The following LMX1A variants were observed in gnomAD, a reference collection of about 807,000 sequenced individuals.
The protein encoded by LMX1A is LIM homeobox transcription factor 1 alpha, also known as LIM homeobox transcription factor 1-alpha.
Under a neutral mutation model 49.1 loss-of-function variants are expected in LMX1A, and 15 were observed. The ratio of observed to expected loss-of-function variants is 0.31; its 90% CI spans 0.20 to 0.47. LMX1A has a LOEUF of 0.47. Among genes scored for constraint, LMX1A ranks in the 20% least tolerant of loss-of-function variants. The pLI is 1.00. For synonymous variants in LMX1A, 167 were observed against 185.7 expected (o/e 0.90, Z 0.82); for missense variants, 372 against 475.8 (o/e 0.78, Z 2.03).
chr1:165,236,326 C>T (rs1323606921), intron 4 of LMX1A, among the ~76,000 whole-genome samples: 1 of 152,016 alleles, frequency 6.6e-6, no homozygotes, highest in Non-Finnish European at 1.5e-5. Context: ...TTCTTTTTCC[C>T]TATCATAAAT....
At chr1:165,276,036 C>T (rs1440818327) in intron 3 of LMX1A, among the ~76,000 whole-genome samples, 1 of 151,770 alleles carries the variant, frequency 6.6e-6, no homozygotes, top group Non-Finnish European at 1.5e-5. Flanking sequence ...GATGCACACA[C>T]CCCACCCGAG....
At chr1:165,264,170 G>A (rs1294177509) in intron 3 of LMX1A, among the ~76,000 whole-genome samples, 2 of 151,888 alleles carry the variant, frequency 1.3e-5, no homozygotes, top group Non-Finnish European at 2.9e-5. Flanking sequence ...GAGGAATGGT[G>A]GAAGCCTGCA....
chr1:165,352,432 C>T (rs1656455740), intron 3 of LMX1A, among the ~76,000 whole-genome samples: 1 of 152,166 alleles, frequency 6.6e-6, no homozygotes, highest in Non-Finnish European at 1.5e-5. Flanking sequence ...CCTAAAAGCC[C>T]CTGCATCCGA....
intron 3 of LMX1A, among the ~76,000 whole-genome samples, chr1:165,303,850 T>C (rs1654848989): frequency 6.6e-6 from 1 of 152,138 alleles, no homozygotes. Context: ...GGGTGGACTT[T>C]AAAGCAGTAG....
At chr1:165,349,257 G>C (rs376015429) in intron 3 of LMX1A, among the ~76,000 whole-genome samples, 3 of 152,216 alleles carry the variant, frequency 2.0e-5, no homozygotes, top group African/African-American at 7.2e-5. Flanking sequence ...TCAGACTGAA[G>C]TCCAACTGCA....
intron 4 of LMX1A, among the ~76,000 whole-genome samples, chr1:165,227,101 A>G (rs1259329068): frequency 6.6e-6 from 1 of 152,204 alleles, no homozygotes; most frequent in African/African-American, 2.4e-5. Flanking sequence ...AGGCTTACAG[A>G]AAGAGAATGG....
At chr1:165,217,748 T>A (rs1472866440) in intron 4 of LMX1A, among the ~76,000 whole-genome samples, 1 of 152,212 alleles carries the variant, frequency 6.6e-6, no homozygotes, top group Non-Finnish European at 1.5e-5. Context: ...CTTGCACAGT[T>A]CAAATCCATG....
At chr1:165,337,783 T>C (rs751264830) in intron 3 of LMX1A, among the ~76,000 whole-genome samples, 5 of 151,986 alleles carry the variant, frequency 3.3e-5, no homozygotes, top group Non-Finnish European at 5.9e-5. Flanking sequence ...TCAGTTTTAG[T>C]TGGCCAGAAG....
chr1:165,348,197 T>C (rs1037676964), intron 3 of LMX1A, among the ~76,000 whole-genome samples: 3 of 152,214 alleles, frequency 2.0e-5, no homozygotes, highest in African/African-American at 7.2e-5. Context: ...ATGTGTTCCA[T>C]TTATGTAAGG....
intron 3 of LMX1A, among the ~76,000 whole-genome samples, chr1:165,335,152 T>C (rs1655861499): frequency 6.6e-6 from 1 of 152,350 alleles, no homozygotes; most frequent in African/African-American, 2.4e-5. Flanking sequence ...TATTATTTAC[T>C]TAAAATATGA....
intron 3 of LMX1A, among the ~76,000 whole-genome samples, chr1:165,321,474 A>G (rs891579142): frequency 6.6e-6 from 1 of 152,184 alleles, no homozygotes; most frequent in Admixed American, 6.5e-5. Context: ...TCTCCTCTGC[A>G]ATAGCTTCCT....
chr1:165,238,567 T>TA (rs34900476), intron 4 of LMX1A, among the ~76,000 whole-genome samples: 151,995 of 152,242 alleles, frequency 1, 75,874 homozygotes, highest in Middle Eastern at 1. Context: ...AACTGGAGGT[T>TA]AAAAGCAAGG....
chr1:165,334,715 CT>C (rs1655850688), intron 3 of LMX1A, among the ~76,000 whole-genome samples: 1 of 152,338 alleles, frequency 6.6e-6, no homozygotes, highest in South Asian at 2.1e-4. Flanking sequence ...AACTTCACTC[CT>C]CTTTACACCC....
At chr1:165,230,901 T>C (rs929364549) in intron 4 of LMX1A, among the ~76,000 whole-genome samples, 1 of 152,186 alleles carries the variant, frequency 6.6e-6, no homozygotes, top group Non-Finnish European at 1.5e-5. Flanking sequence ...AGGGTCCTGC[T>C]GAGCAGACTG....
intron 3 of LMX1A, among the ~76,000 whole-genome samples, chr1:165,298,979 C>T (rs1654701311): frequency 6.6e-6 from 1 of 152,186 alleles, no homozygotes; most frequent in South Asian, 2.1e-4. Flanking sequence ...TTTTATTTAA[C>T]CCTACAACAA....
chr1:165,339,387 C>T (rs570136759), intron 3 of LMX1A, among the ~76,000 whole-genome samples: 1 of 152,320 alleles, frequency 6.6e-6, no homozygotes, highest in South Asian at 2.1e-4. Flanking sequence ...TGGTTCCAGG[C>T]CTGAGGAGGC....
At chr1:165,340,488 T>C (rs552723998) in intron 3 of LMX1A, among the ~76,000 whole-genome samples, 2 of 152,184 alleles carry the variant, frequency 1.3e-5, no homozygotes, top group East Asian at 3.8e-4. Context: ...CACTCTGATG[T>C]TCTCCCCTGC....
intron 3 of LMX1A, among the ~76,000 whole-genome samples, chr1:165,328,164 ACT>A (rs1655642683): frequency 6.6e-6 from 1 of 152,250 alleles, no homozygotes; most frequent in Admixed American, 6.5e-5. Context: ...GTTCTTTCTC[ACT>A]GTTTCAAACA....
At chr1:165,283,348 A>C (rs1240227298) in intron 3 of LMX1A, among the ~76,000 whole-genome samples, 1 of 152,240 alleles carries the variant, frequency 6.6e-6, no homozygotes, top group Non-Finnish European at 1.5e-5. Context: ...TTCACATGAC[A>C]GAATCTCCTA....
Sources: allele counts gnomAD v4.1 joint callset (sites outside exome capture counted in the v4.1 genomes callset), GRCh38; gene constraint gnomAD v4.1.1; transcripts MANE v1.5; gene names NCBI Gene and HGNC (gene_info 2026-07-23, HGNC 2026-07-21).